Variants in PHF14 observed in about 807,000 individuals in gnomAD.
PHF14 encodes PHD finger protein 14.
A neutral mutation model predicts 117.9 loss-of-function variants in PHF14; 55 were observed. The ratio of observed to expected loss-of-function variants is 0.47; its 90% CI spans 0.38 to 0.58. PHF14 has a LOEUF of 0.58. PHF14 is among the 20% of genes least tolerant of loss of function. The pLI, the probability that PHF14 is intolerant of heterozygous loss-of-function variation, is 0.00. For missense variants in PHF14, 978 were observed against 1,122.2 expected (o/e 0.87, Z 1.84); for synonymous variants, 409 against 368.6 (o/e 1.11, Z -1.26).
At chr7:11,093,601 A>T (rs1786729940) in intron 16 of PHF14, among the ~76,000 whole-genome samples, 1 of 152,024 alleles carries the variant, frequency 6.6e-6, no homozygotes, top group Non-Finnish European at 1.5e-5. Context: ...AAGAAGCCCC[A>T]TTGCACTGTC....
At chr7:10,978,808 G>A (rs1781957240) in intron 2 of PHF14, among the ~76,000 whole-genome samples, 2 of 151,848 alleles carry the variant, frequency 1.3e-5, no homozygotes, top group South Asian at 4.2e-4. Flanking sequence ...TTGTCCTCTG[G>A]GGGAAAAAAA....
chr7:11,012,769 G>A (rs755714475), intron 4 of PHF14, among the ~76,000 whole-genome samples: 16 of 152,112 alleles, frequency 1.1e-4, no homozygotes, highest in Non-Finnish European at 1.9e-4. Flanking sequence ...AAAAGAGAAT[G>A]ACATATTGTT....
At chr7:11,012,245 C>A (rs1783380279) in intron 4 of PHF14, among the ~76,000 whole-genome samples, 1 of 152,142 alleles carries the variant, frequency 6.6e-6, no homozygotes, top group Non-Finnish European at 1.5e-5. Context: ...AGGGAAAATA[C>A]TTTAAAAATT....
chr7:11,122,352 T>TATATATATATATATATATAC, intron 17 of PHF14, among the ~76,000 whole-genome samples: 20 of 65,862 alleles, frequency 3.0e-4, no homozygotes, highest in East Asian at 5.9e-4. Context: ...TATATATATA[T>TATATATATATATATATATAC]ACACACACAC....
At chr7:11,105,089 ATC>A in intron 16 of PHF14, 30 of 946,060 alleles carry the variant, frequency 3.2e-5, no homozygotes, top group Non-Finnish European at 3.7e-5. Flanking sequence ...ACAGAAAGAA[ATC>A]AATAAACATA....
At chr7:10,987,250 A>G (rs530129007) in intron 3 of PHF14, among the ~76,000 whole-genome samples, 1 of 152,286 alleles carries the variant, frequency 6.6e-6, no homozygotes, top group African/African-American at 2.4e-5. Flanking sequence ...AAAAATGTAG[A>G]GGAAGTATGA....
chr7:11,034,600 G>C (rs1583394343), intron 7 of PHF14, among the ~76,000 whole-genome samples: 1 of 136,278 alleles, frequency 7.3e-6, no homozygotes, highest in South Asian at 2.4e-4. Context: ...CCAGGCTGGA[G>C]TGCAGTGGCG....
intron 16 of PHF14, among the ~76,000 whole-genome samples, chr7:11,074,983 G>C (rs990838323): frequency 1.4e-5 from 2 of 142,932 alleles, no homozygotes; most frequent in Non-Finnish European, 3.0e-5. Context: ...TGTCACCCAT[G>C]CTGGAGTGCA....
chr7:11,102,375 CAT>C (rs999971174), intron 16 of PHF14: 9 of 1,125,214 alleles, frequency 8.0e-6, no homozygotes, highest in Non-Finnish European at 1.2e-5. Context: ...TGGACCAGAT[CAT>C]ATGTTATTTG....
intron 17 of PHF14, among the ~76,000 whole-genome samples, chr7:11,166,438 G>A (rs1281659240): frequency 2.0e-5 from 3 of 151,860 alleles, no homozygotes; most frequent in African/African-American, 7.3e-5. Flanking sequence ...TATTTATTAT[G>A]CAGTCATTTA....
At chr7:11,057,242 A>T (rs1184271282) in intron 14 of PHF14, among the ~76,000 whole-genome samples, 1 of 152,204 alleles carries the variant, frequency 6.6e-6, no homozygotes, top group Non-Finnish European at 1.5e-5. Flanking sequence ...ATTTGACTTG[A>T]TTGCAAATTA....
At chr7:10,991,094 G>A (rs916408234) in intron 4 of PHF14, among the ~76,000 whole-genome samples, 1 of 151,584 alleles carries the variant, frequency 6.6e-6, no homozygotes, top group Non-Finnish European at 1.5e-5. Context: ...AGGTTCAAGC[G>A]ATTCTGCTGC....
At chr7:11,165,560 A>G (rs1213848110) in intron 17 of PHF14, among the ~76,000 whole-genome samples, 9 of 152,200 alleles carry the variant, frequency 5.9e-5, no homozygotes, top group African/African-American at 4.8e-5. Flanking sequence ...TTGGCAGTCT[A>G]CAAGGTAAAC....
intron 2 of PHF14, among the ~76,000 whole-genome samples, chr7:10,976,066 G>T (rs1354050370): frequency 3.9e-5 from 6 of 152,178 alleles, no homozygotes; most frequent in African/African-American, 1.4e-4. Context: ...TGAGTTTAAA[G>T]AACTGGCATG....
chr7:11,082,978 C>G (rs982326187), intron 16 of PHF14, among the ~76,000 whole-genome samples: 2 of 152,188 alleles, frequency 1.3e-5, no homozygotes, highest in African/African-American at 4.8e-5. Context: ...GCTCACATTC[C>G]TTTCCTTATT....
At chr7:11,092,555 A>G (rs575791731) in intron 16 of PHF14, among the ~76,000 whole-genome samples, 1 of 115,102 alleles carries the variant, frequency 8.7e-6, no homozygotes, top group Non-Finnish European at 1.8e-5. Flanking sequence ...ACTCTTGAAG[A>G]TTCCAATCAG....
intron 17 of PHF14, among the ~76,000 whole-genome samples, chr7:11,122,441 AC>A (rs1787803829): frequency 8.1e-6 from 1 of 122,728 alleles, no homozygotes; most frequent in African/African-American, 3.1e-5. Context: ...ATATATATAT[AC>A]GTATATATAT....
At chr7:11,138,598 GAATAA>G (rs1341837568) in intron 17 of PHF14, among the ~76,000 whole-genome samples, 1 of 152,124 alleles carries the variant, frequency 6.6e-6, no homozygotes. Flanking sequence ...ATATTTGGCA[GAATAA>G]AATAAAACAA....
chr7:11,052,026 A>T (rs1784864706), intron 14 of PHF14, among the ~76,000 whole-genome samples: 1 of 152,324 alleles, frequency 6.6e-6, no homozygotes, highest in Non-Finnish European at 1.5e-5. Flanking sequence ...ACCTTGAAAG[A>T]CAGACCATTC....
Sources: gnomAD v4.1 joint callset for allele counts (sites outside exome capture counted in the v4.1 genomes callset) on GRCh38, gnomAD v4.1.1 for gene constraint, MANE v1.5 for transcripts, NCBI Gene and HGNC (gene_info 2026-07-23, HGNC 2026-07-21) for gene names.